PCLO: variants seen among roughly 807,000 people sequenced by gnomAD.
PCLO encodes the protein piccolo presynaptic cytomatrix protein.
A neutral mutation model predicts 427.5 loss-of-function variants in PCLO; 82 were observed. The observed-to-expected ratio is 0.19, with a 90% confidence interval of 0.16 to 0.23. The LOEUF is 0.23. PCLO is among the 10% of genes least tolerant of loss of function. The probability of loss-of-function intolerance (pLI) is 1.00; values close to 1 mark genes in which losing one functional copy is unlikely to be tolerated. For missense variants in PCLO, 6,239 were observed against 6,115.9 expected (o/e 1.02, Z -0.67); for synonymous variants, 2,357 against 2,155.4 (o/e 1.09, Z -2.59).
At chr7:82,876,479 CACACACACAT>C (rs1459930252) in intron 10 of PCLO, among the ~76,000 whole-genome samples, 14 of 150,444 alleles carry the variant, frequency 9.3e-5, no homozygotes, top group East Asian at 2.0e-4. Context: ...CACACACACA[CACACACACAT>C]ACACCACACA....
At chr7:82,826,792 C>T (rs1019639299) in intron 17 of PCLO, 132 bp from the exon 18 acceptor site, 8 of 445,446 alleles carry the variant, frequency 1.8e-5, no homozygotes, top group Non-Finnish European at 2.3e-5. Flanking sequence ...AAAATTTTAC[C>T]GAAAACTATG....
At chr7:82,883,889 C>G (rs1297863310) in intron 9 of PCLO, among the ~76,000 whole-genome samples, 2 of 152,156 alleles carry the variant, frequency 1.3e-5, no homozygotes, top group African/African-American at 4.8e-5. Context: ...CCTGCCTCGG[C>G]CTCCCTAGTA....
intron 10 of PCLO, among the ~76,000 whole-genome samples, chr7:82,855,985 C>A (rs1361228986): frequency 1.3e-5 from 2 of 152,010 alleles, no homozygotes; most frequent in African/African-American, 4.8e-5. Flanking sequence ...TTCTGTGACT[C>A]TCAATGTAGG....
chr7:83,025,478 T>C (rs1461753370), intron 3 of PCLO, among the ~76,000 whole-genome samples: 1 of 151,800 alleles, frequency 6.6e-6, no homozygotes. Flanking sequence ...CTACATCTGA[T>C]TGGTGTACCT....
At chr7:82,898,258 A>G (rs1258099834) in intron 9 of PCLO, among the ~76,000 whole-genome samples, 3 of 151,486 alleles carry the variant, frequency 2.0e-5, no homozygotes, top group Non-Finnish European at 3.0e-5. Context: ...TTGCATTACT[A>G]TTAAAATAGT....
intron 22 of PCLO, among the ~76,000 whole-genome samples, chr7:82,772,649 A>G (rs1790670783): frequency 6.6e-6 from 1 of 152,194 alleles, no homozygotes; most frequent in South Asian, 2.1e-4. Flanking sequence ...GTATTCTGTT[A>G]TATAAAGAAA....
chr7:83,112,298 C>T (rs921618708), intron 3 of PCLO, among the ~76,000 whole-genome samples: 3 of 152,084 alleles, frequency 2.0e-5, no homozygotes, highest in African/African-American at 4.8e-5. Context: ...CCTCATGATC[C>T]GCCCACCTCA....
chr7:83,019,697 A>G (rs946668227), intron 3 of PCLO, among the ~76,000 whole-genome samples: 1 of 152,016 alleles, frequency 6.6e-6, no homozygotes, highest in Non-Finnish European at 1.5e-5. Flanking sequence ...TGTAAACATC[A>G]TTTCTATGCA....
chr7:83,099,950 CTCATA>C (rs1223611996), intron 3 of PCLO, among the ~76,000 whole-genome samples: 1 of 151,348 alleles, frequency 6.6e-6, no homozygotes, highest in Non-Finnish European at 1.5e-5. Context: ...TTAAAATCTA[CTCATA>C]TAACAGAAGC....
At chr7:82,974,462 C>T (rs1277380624) in intron 3 of PCLO, among the ~76,000 whole-genome samples, 1 of 152,158 alleles carries the variant, frequency 6.6e-6, no homozygotes, top group Non-Finnish European at 1.5e-5. Context: ...CAGCTGATTT[C>T]TCACTGGTAA....
At chr7:82,811,444 T>C (rs955496248) in intron 20 of PCLO, among the ~76,000 whole-genome samples, 2 of 151,528 alleles carry the variant, frequency 1.3e-5, no homozygotes, top group African/African-American at 4.8e-5. Context: ...ATATTTTTAC[T>C]AAAGGGATTT....
chr7:83,015,264 G>A (rs1788177228), intron 3 of PCLO, among the ~76,000 whole-genome samples: 1 of 151,716 alleles, frequency 6.6e-6, no homozygotes, highest in South Asian at 2.1e-4. Flanking sequence ...ATCTTTAAAT[G>A]TCTCAACAGT....
Position 82,955,213 on chromosome 7 carries a change from C to A in PCLO, c.5740G>T (p.Ala1914Ser), listed in dbSNP as rs1425296620. The change falls in exon 5 of 25, where the codon GCT becomes TCT. Residue 1914 changes from alanine to serine, a missense_variant. Physicochemically the swap from Ala to Ser is moderately conservative, Grantham distance 99. Coordinates refer to ENST00000333891, the MANE Select transcript of PCLO (RefSeq NM_033026.6). ...ATCATTTCTTCATACATCTCCTCAG[C>A]ACTTTTTAACGCCTTTTGGCTACCT... ...KEGSQKALKS[A>S]EEMYEEMMHK... 1.2e-6 allele frequency: 2 copies of A among 1,613,814 alleles called. No homozygotes were observed. Among genetic ancestry groups the A allele is most frequent in the Non-Finnish European group, 1.7e-6 (2 of 1,179,806 alleles).
intron 3 of PCLO, among the ~76,000 whole-genome samples, chr7:82,998,914 A>T (rs1787704301): frequency 6.6e-6 from 1 of 151,878 alleles, no homozygotes; most frequent in African/African-American, 2.4e-5. Flanking sequence ...TAATATGATA[A>T]TTGTTCTAAT....
At chr7:82,902,827 G>T in intron 8 of PCLO, 86 bp from the exon 9 acceptor site, 1 of 693,416 alleles carries the variant, frequency 1.4e-6, no homozygotes, top group Non-Finnish European at 2.6e-6. Flanking sequence ...TCATTTCAAA[G>T]CACATTGATT....
intron 6 of PCLO, among the ~76,000 whole-genome samples, chr7:82,937,371 G>T: frequency 6.7e-6 from 1 of 149,016 alleles, no homozygotes. Flanking sequence ...ACAATGTTGT[G>T]CCTCACTTTG....
At chr7:83,119,744 C>T (rs990608504) in intron 3 of PCLO, among the ~76,000 whole-genome samples, 14 of 149,884 alleles carry the variant, frequency 9.3e-5, no homozygotes, top group Non-Finnish European at 1.6e-4. Flanking sequence ...ACCTTTCAGA[C>T]GGAGAATTCA....
At position 83,134,610 on chromosome 7, in the gene PCLO, G is replaced by A. The variant is rs745790222; in HGVS notation, c.2940C>T (p.Pro980=). 13 of 1,613,726 alleles carry A rather than the reference G, an allele frequency of 8.1e-6. No homozygotes were observed. The East Asian group carries it at 8.9e-5, about 11-fold the overall frequency. Residue 980 remains proline, a synonymous_variant, in exon 3 of 25, where the codon CCC becomes CCT. Transcript: ENST00000333891. ...PSQPPTSQGP[P]KSTGQAPPAP... ...CTGGTGGTGCTTGACCTGTGGATTT[G>A]GGTGGCCCTTGTGAAGTAGGTGGCT... is the stretch of plus-strand genomic sequence containing the variant.
intron 6 of PCLO, among the ~76,000 whole-genome samples, chr7:82,931,144 A>G (rs919234930): frequency 6.6e-6 from 1 of 152,130 alleles, no homozygotes. Flanking sequence ...ATATTAACTT[A>G]TTTTAAAATA....
Sources: allele counts gnomAD v4.1 joint callset (sites outside exome capture counted in the v4.1 genomes callset), GRCh38; gene constraint gnomAD v4.1.1; transcripts MANE v1.5; gene names NCBI Gene and HGNC (gene_info 2026-07-23, HGNC 2026-07-21).